Variants in STK39 observed in about 807,000 individuals in gnomAD.
The protein encoded by STK39 is STE20/SPS1-related proline-alanine-rich protein kinase.
In STK39, 20 loss-of-function variants were observed where a neutral mutation model predicts 77.8. The ratio of observed to expected loss-of-function variants is 0.26; its 90% CI spans 0.18 to 0.37. The LOEUF (loss-of-function observed/expected upper bound fraction) is 0.37. STK39 is among the 10% of genes least tolerant of loss of function. The probability of loss-of-function intolerance (pLI) is 1.00; values close to 1 mark genes in which losing one functional copy is unlikely to be tolerated. For missense variants in STK39, 479 were observed against 656.5 expected (o/e 0.73, Z 2.95); for synonymous variants, 246 against 234.1 (o/e 1.05, Z -0.47).
chr2:168,222,739 G>C (rs1181161716), intron 1 of STK39, among the ~76,000 whole-genome samples: 1 of 152,094 alleles, frequency 6.6e-6, no homozygotes, highest in African/African-American at 2.4e-5. Context: ...TTGCATGACG[G>C]TGAATTCTCT....
intron 16 of STK39, among the ~76,000 whole-genome samples, chr2:168,002,668 G>T (rs1434074131): frequency 6.6e-6 from 1 of 152,138 alleles, no homozygotes; most frequent in Non-Finnish European, 1.5e-5. Context: ...GCTTTTATCA[G>T]ATTTAAAAAA....
intron 10 of STK39, among the ~76,000 whole-genome samples, chr2:168,083,523 T>C (rs1055246863): frequency 3.3e-5 from 5 of 152,100 alleles, no homozygotes; most frequent in African/African-American, 1.2e-4. Flanking sequence ...ACATTTAAGC[T>C]AGAAATTTTT....
At chr2:168,003,372 T>G (rs942664898) in intron 16 of STK39, among the ~76,000 whole-genome samples, 1 of 152,256 alleles carries the variant, frequency 6.6e-6, no homozygotes, top group Non-Finnish European at 1.5e-5. Context: ...TTATATTAGA[T>G]AGTCCAGCCT....
chr2:168,146,706 C>T (rs896091632), intron 5 of STK39, among the ~76,000 whole-genome samples: 3 of 152,034 alleles, frequency 2.0e-5, no homozygotes, highest in Admixed American at 6.5e-5. Flanking sequence ...TTCCCTCTCT[C>T]GTTAGAGAAG....
chr2:168,099,290 C>T (rs1686758025), intron 10 of STK39, among the ~76,000 whole-genome samples: 1 of 152,216 alleles, frequency 6.6e-6, no homozygotes, highest in Non-Finnish European at 1.5e-5. Context: ...CAATAGTGAA[C>T]TAATACATCA....
At chr2:168,143,746 C>T (rs191999796) in intron 5 of STK39, among the ~76,000 whole-genome samples, 15 of 152,032 alleles carry the variant, frequency 9.9e-5, no homozygotes, top group African/African-American at 3.6e-4. Context: ...GGCTCCCTGT[C>T]CCCTCAGGAA....
chr2:168,036,206 T>G (rs1391582196), intron 14 of STK39, among the ~76,000 whole-genome samples: 1 of 150,978 alleles, frequency 6.6e-6, no homozygotes, highest in East Asian at 1.9e-4. Context: ...ACCACAGTAC[T>G]GTGAGTCCAT....
chr2:168,231,350 A>G (rs1244833372), intron 1 of STK39, among the ~76,000 whole-genome samples: 3 of 152,018 alleles, frequency 2.0e-5, no homozygotes, highest in Non-Finnish European at 2.9e-5. Context: ...GAAAATAACC[A>G]CCACCTTTGT....
chr2:168,016,387 C>CAA (rs869084308), intron 15 of STK39, among the ~76,000 whole-genome samples: 12,419 of 65,650 alleles, frequency 0.19, 2,660 homozygotes, highest in Non-Finnish European at 0.24. Flanking sequence ...GGCCTTTGTT[C>CAA]AAAAAAAAAA....
chr2:168,147,819 C>T (rs540055121), intron 5 of STK39, among the ~76,000 whole-genome samples: 1 of 152,280 alleles, frequency 6.6e-6, no homozygotes, highest in East Asian at 1.9e-4. Context: ...GCTGCTAATT[C>T]CCAGGGCCCT....
chr2:168,197,194 T>C (rs1031451006), intron 1 of STK39, among the ~76,000 whole-genome samples: 2 of 152,160 alleles, frequency 1.3e-5, no homozygotes, highest in Admixed American at 6.6e-5. Context: ...AAAAGTAAAG[T>C]GGCTGGATTT....
chr2:168,028,795 A>T (rs1183098464), intron 14 of STK39, among the ~76,000 whole-genome samples: 5 of 152,196 alleles, frequency 3.3e-5, no homozygotes, highest in Non-Finnish European at 7.3e-5. Context: ...TCTCCCATGC[A>T]TGAGGCTCCC....
At chr2:168,130,563 C>T (rs1687653511) in intron 8 of STK39, among the ~76,000 whole-genome samples, 1 of 152,174 alleles carries the variant, frequency 6.6e-6, no homozygotes, top group South Asian at 2.1e-4. Context: ...AAATCTCTCC[C>T]TTGCAAAGGT....
intron 1 of STK39, among the ~76,000 whole-genome samples, chr2:168,221,687 A>G (rs1690174779): frequency 6.6e-6 from 1 of 152,156 alleles, no homozygotes; most frequent in South Asian, 2.1e-4. Context: ...AAAGGGTATA[A>G]TCATTTCCCT....
At chr2:168,124,917 G>A (rs1464158037) in intron 10 of STK39, among the ~76,000 whole-genome samples, 1 of 151,756 alleles carries the variant, frequency 6.6e-6, no homozygotes, top group Non-Finnish European at 1.5e-5. Context: ...AGTGGGAGTT[G>A]AACAATGAGA....
chr2:168,199,716 T>C (rs1323821132), intron 1 of STK39, among the ~76,000 whole-genome samples: 2 of 152,172 alleles, frequency 1.3e-5, no homozygotes, highest in Non-Finnish European at 2.9e-5. Flanking sequence ...GGTTTCACCA[T>C]GTTGATCAGG....
At chr2:167,978,024 T>G (rs902364134) in intron 16 of STK39, among the ~76,000 whole-genome samples, 23 of 152,220 alleles carry the variant, frequency 1.5e-4, no homozygotes, top group Non-Finnish European at 3.1e-4. Context: ...TGTCTTCTGT[T>G]CCTGGGTGGG....
chr2:168,141,422 T>G (rs576717689), intron 5 of STK39, among the ~76,000 whole-genome samples: 1 of 152,296 alleles, frequency 6.6e-6, no homozygotes, highest in Non-Finnish European at 1.5e-5. Flanking sequence ...AGTTTCAGAA[T>G]TTGGAACATT....
chr2:168,114,930 C>T (rs182043848), intron 10 of STK39, among the ~76,000 whole-genome samples: 4 of 152,302 alleles, frequency 2.6e-5, no homozygotes, highest in African/African-American at 7.2e-5. Context: ...ACTGCACACT[C>T]GGTCTGTGTC....
Sources: allele counts gnomAD v4.1 joint callset (sites outside exome capture counted in the v4.1 genomes callset), GRCh38; gene constraint gnomAD v4.1.1; transcripts MANE v1.5; gene names NCBI Gene and HGNC (gene_info 2026-07-23, HGNC 2026-07-21).